OSBPL3: variants seen among roughly 807,000 people sequenced by gnomAD.
OSBPL3 encodes oxysterol-binding protein-related protein 3.
A neutral mutation model predicts 120.1 loss-of-function variants in OSBPL3; 65 were observed. The ratio of observed to expected loss-of-function variants is 0.54; its 90% CI spans 0.44 to 0.67. The LOEUF is 0.67. OSBPL3 is among the 30% of genes least tolerant of loss of function. The probability of loss-of-function intolerance (pLI) is 0.00; values close to 1 mark genes in which losing one functional copy is unlikely to be tolerated. For missense variants in OSBPL3, 1,004 were observed against 1,082.1 expected (o/e 0.93, Z 1.01); for synonymous variants, 416 against 402.6 (o/e 1.03, Z -0.40).
intron 2 of OSBPL3, among the ~76,000 whole-genome samples, chr7:24,876,831 TG>T (rs1219969239): frequency 1.3e-5 from 2 of 152,242 alleles, no homozygotes; most frequent in Non-Finnish European, 2.9e-5. Flanking sequence ...GAACCTTTTC[TG>T]TCTTGTTCAC....
At chr7:24,836,395 ACTT>A (rs1796999930) in intron 14 of OSBPL3, among the ~76,000 whole-genome samples, 2 of 152,320 alleles carry the variant, frequency 1.3e-5, no homozygotes, top group East Asian at 1.9e-4. Context: ...TTTCATGAGC[ACTT>A]CTTCTTTGCT....
intron 1 of OSBPL3, among the ~76,000 whole-genome samples, chr7:24,957,960 G>A (rs1316996217): frequency 6.6e-6 from 1 of 152,010 alleles, no homozygotes; most frequent in African/African-American, 2.4e-5. Context: ...TATCAATAAG[G>A]AGGAAGCTCC....
intron 2 of OSBPL3, among the ~76,000 whole-genome samples, chr7:24,890,386 G>A (rs2128336267): frequency 6.6e-6 from 1 of 152,282 alleles, no homozygotes; most frequent in East Asian, 1.9e-4. Flanking sequence ...AAATGGCTGT[G>A]CCCTAAGTGA....
In OSBPL3 at chr7:24,938,797, G is replaced by GTGTA. The variant is rs1812732937; in HGVS notation, c.-150+41088_-150+41089insTACA. Among the ~76,000 whole-genome samples the GTGTA allele has an allele frequency of 6.7e-6, 1 of 148,890 alleles. No homozygotes were observed. Among genetic ancestry groups the GTGTA allele is most frequent in the Non-Finnish European group, 1.5e-5 (1 of 67,020 alleles). ...TGTTTTGATGTGTGTGTGTGTGTGT[G>GTGTA]TGTGTGTGTGTGTGTGTGTGTGTGT... On this transcript the variant is annotated intron_variant, in intron 1 of 22. Transcript: ENST00000313367. The surrounding 1 kb of genome is among the most constrained non-coding windows in gnomAD (Gnocchi z 5.8).
At chr7:24,934,887 T>G (rs549046459) in intron 1 of OSBPL3, among the ~76,000 whole-genome samples, 1 of 152,308 alleles carries the variant, frequency 6.6e-6, no homozygotes, top group East Asian at 1.9e-4. Flanking sequence ...CTGGGGGACT[T>G]AATTATTTCT....
chr7:24,850,675 A>T (rs751350321), intron 11 of OSBPL3, among the ~76,000 whole-genome samples: 3 of 152,232 alleles, frequency 2.0e-5, no homozygotes, highest in Non-Finnish European at 4.4e-5. Flanking sequence ...TCTCTGGAGC[A>T]CTAACTTTAT....
chr7:24,881,884 T>C lies in OSBPL3; in HGVS notation c.97-9815A>G, dbSNP rs1335398592. Among the ~76,000 whole-genome samples the C allele has an allele frequency of 6.6e-6, 1 of 152,162 alleles. No homozygotes were observed. The highest frequency in any genetic ancestry group is 6.5e-5 in the Admixed American group (1 of 15,282). Reference sequence around the variant, plus strand: ...TGGCATGGCTTGGCTTGTAGCTGCATCACTCCAATCTCTCTCTCCACCATC... The same window carrying C: ...TGGCATGGCTTGGCTTGTAGCTGCACCACTCCAATCTCTCTCTCCACCATC... On this transcript the variant is annotated intron_variant, in intron 2 of 22. Coordinates refer to ENST00000313367, the MANE Select transcript of OSBPL3 (RefSeq NM_015550.4). The surrounding 1 kb of genome is among the most constrained non-coding windows in gnomAD (Gnocchi z 4.3).
At position 24,863,437 on chromosome 7, in the gene OSBPL3, G is replaced by C; in HGVS notation, c.777+59C>G. ...GCATCCCACTGTTAGTGAAAGGCTGGGAGGAGAAAGGAAAGCAGAAGAGGG... is the reference window on the plus strand; with the variant it reads ...GCATCCCACTGTTAGTGAAAGGCTGCGAGGAGAAAGGAAAGCAGAAGAGGG... On this transcript the variant is annotated intron_variant, in intron 8 of 22. Transcript: ENST00000313367. This position sits in a 1 kb window ranked among gnomAD's most constrained non-coding sequence, Gnocchi z 5.8. 6.9e-7 allele frequency: 1 copy of C among 1,450,182 alleles called. No homozygotes were observed. 89.8% of individuals were successfully genotyped at this position (1,450,182 alleles called of 1,614,324 possible).
In OSBPL3 at chr7:24,806,393, G is replaced by A. The variant is rs1793041316; in HGVS notation, c.2444+383C>T. On this transcript the variant is annotated intron_variant, in intron 21 of 22. Coordinates refer to ENST00000313367, the MANE Select transcript of OSBPL3 (RefSeq NM_015550.4). The surrounding 1 kb of genome is among the most constrained non-coding windows in gnomAD (Gnocchi z 5.2). ...ACCTACCATATATCACACACCTTGTGAGCAGCAACCTAGAATCAGCAGTTA... is the reference window on the plus strand; with the variant it reads ...ACCTACCATATATCACACACCTTGTAAGCAGCAACCTAGAATCAGCAGTTA... Among the ~76,000 whole-genome samples the A allele has an allele frequency of 6.6e-6, 1 of 152,192 alleles. No individual in the cohort carries two copies. Among genetic ancestry groups the A allele is most frequent in the Admixed American group, 6.5e-5 (1 of 15,278 alleles).
intron 1 of OSBPL3, among the ~76,000 whole-genome samples, chr7:24,970,104 C>CTTTTTT (rs10540160): frequency 4.8e-5 from 4 of 83,014 alleles, no homozygotes; most frequent in Non-Finnish European, 8.5e-5. Flanking sequence ...TCGTCCCTTT[C>CTTTTTT]TTTTTTTTTT....
At position 24,833,562 on chromosome 7, in the gene OSBPL3, C is replaced by A. The variant is rs1477995410; in HGVS notation, c.1746+924G>T. Among the ~76,000 whole-genome samples, 2 of 152,162 alleles carry A rather than the reference C, an allele frequency of 1.3e-5. No homozygotes were observed. Among genetic ancestry groups the A allele is most frequent in the Admixed American group, 6.5e-5 (1 of 15,276 alleles). On this transcript the variant is annotated intron_variant, in intron 15 of 22. Coordinates refer to ENST00000313367, the MANE Select transcript of OSBPL3 (RefSeq NM_015550.4). The surrounding 1 kb of genome is among the most constrained non-coding windows in gnomAD (Gnocchi z 4.4). Reference sequence around the variant, plus strand: ...ATCCTCTATCAATGGGGAGTGTCGGCAGGGCTAGGTCTGTGAAGCCGAGGG... The same window carrying A: ...ATCCTCTATCAATGGGGAGTGTCGGAAGGGCTAGGTCTGTGAAGCCGAGGG...
intron 2 of OSBPL3, among the ~76,000 whole-genome samples, chr7:24,885,656 C>T (rs1051772165): frequency 1.3e-5 from 2 of 152,238 alleles, no homozygotes; most frequent in Non-Finnish European, 2.9e-5. Flanking sequence ...GCTAACAATA[C>T]ACTTTAAAAC....
intron 1 of OSBPL3, among the ~76,000 whole-genome samples, chr7:24,924,823 ACCTATAGCTGCTCACGGTT>A (rs1326083987): frequency 6.6e-6 from 1 of 152,118 alleles, no homozygotes. Context: ...AGATACTTAG[ACCTATAGCTGCTCACGGTT>A]CTGCCTAGCA....
chr7:24,881,551 T>C lies in OSBPL3; in HGVS notation c.97-9482A>G, dbSNP rs1487549251. 6.6e-6 allele frequency among the ~76,000 whole-genome samples: 1 copy of C among 152,158 alleles called. No individual in the cohort carries two copies. The highest frequency in any genetic ancestry group is 2.4e-5 in the African/African-American group (1 of 41,430). On this transcript the variant is annotated intron_variant, in intron 2 of 22. Transcript: ENST00000313367. This position sits in a 1 kb window ranked among gnomAD's most constrained non-coding sequence, Gnocchi z 4.3. ...CACAAGGTTGAAAATTTGTAAATTG[T>C]CAAATGGGAGATTCACACAAACCTG...
rs1368806020 is a variant in OSBPL3 at position 24,797,091 on chromosome 7, T to C, written c.*3092A>G. The C allele has an allele frequency of 6.6e-6, 1 of 152,180 alleles. No homozygotes were observed. The highest frequency in any genetic ancestry group is 1.5e-5 in the Non-Finnish European group (1 of 68,038). 9.4% of individuals were successfully genotyped at this position (152,180 alleles called of 1,614,324 possible). A position where few individuals can be genotyped will look rare whatever the true frequency, so the allele number is the denominator to read the frequency against. ...TGTAGTAGCCAGAAGGCATAACTTGTAGTGTATGTAGTAGGGGCTACATCA... is the reference window on the plus strand; with the variant it reads ...TGTAGTAGCCAGAAGGCATAACTTGCAGTGTATGTAGTAGGGGCTACATCA... On this transcript the variant is annotated 3_prime_UTR_variant, in exon 23 of 23. Transcript: ENST00000313367. The surrounding 1 kb of genome is among the most constrained non-coding windows in gnomAD (Gnocchi z 4.8).
At chr7:24,870,626 G>A in intron 5 of OSBPL3, 106 bp downstream of exon 5, 2 of 713,438 alleles carry the variant, frequency 2.8e-6, no homozygotes, top group Admixed American at 3.9e-5. Context: ...GGTAATGAAG[G>A]TCTTCTACAT....
In OSBPL3 at chr7:24,927,855, G is replaced by A. The variant is rs549121335; in HGVS notation, c.-149-35234C>T. ...GTAAAGAAAAAAAATGCTTCTTGAG[G>A]TATAATTTATATCCAATAAAATGCA... On this transcript the variant is annotated intron_variant, in intron 1 of 22. Transcript: ENST00000313367. Among the ~76,000 whole-genome samples the A allele has an allele frequency of 6.6e-5, 10 of 152,230 alleles. No individual in the cohort carries two copies. In the South Asian group the frequency reaches 1.2e-3, roughly 19 times the overall value.
chr7:24,971,884 TAG>T (rs1342083241), intron 1 of OSBPL3, among the ~76,000 whole-genome samples: 1 of 152,200 alleles, frequency 6.6e-6, no homozygotes, highest in Non-Finnish European at 1.5e-5. Flanking sequence ...CATTCCCTAA[TAG>T]CTCCAACAAG....
chr7:24,925,801 T>A (rs1810975103), intron 1 of OSBPL3, among the ~76,000 whole-genome samples: 2 of 152,228 alleles, frequency 1.3e-5, no homozygotes, highest in South Asian at 4.1e-4. Context: ...TAAACCTCAA[T>A]GTTGCTAGAG....
Sources: gnomAD v4.1 joint callset for allele counts (sites outside exome capture counted in the v4.1 genomes callset) on GRCh38, gnomAD v4.1.1 for gene constraint, Gnocchi (gnomAD v3.1) non-coding constraint, MANE v1.5 for transcripts, NCBI Gene and HGNC (gene_info 2026-07-23, HGNC 2026-07-21) for gene names.